The following WDR41 variants were observed in gnomAD, a reference collection of about 807,000 sequenced individuals.
The protein encoded by WDR41 is WD repeat-containing protein 41.
Under a neutral mutation model 69.3 loss-of-function variants are expected in WDR41, and 63 were observed. The ratio of observed to expected loss-of-function variants is 0.91; its 90% CI spans 0.74 to 1.12. The LOEUF (loss-of-function observed/expected upper bound fraction) is 1.12, where lower values mean the gene tolerates loss of function less well. WDR41 is among the 50% of genes most tolerant of loss of function. The probability of loss-of-function intolerance (pLI) is 0.00; values close to 1 mark genes in which losing one functional copy is unlikely to be tolerated. For missense variants in WDR41, 543 were observed against 534.5 expected, an observed-to-expected ratio of 1.02 and a Z score of -0.16; for synonymous variants, 185 against 192.1, an observed-to-expected ratio of 0.96 and a Z score of 0.31.
chr5:77,509,650 TAGAGAC>T (rs1271558816), intron 1 of WDR41, among the ~76,000 whole-genome samples: 7 of 152,130 alleles, frequency 4.6e-5, no homozygotes, highest in African/African-American at 1.4e-4. Flanking sequence ...AGGGAATCTA[TAGAGAC>T]AGAGAGTGGA....
intron 1 of WDR41, among the ~76,000 whole-genome samples, chr5:77,518,674 G>T (rs1037752704): frequency 4.6e-5 from 7 of 152,078 alleles, no homozygotes; most frequent in Non-Finnish European, 8.8e-5. Context: ...TTCATTTTGA[G>T]TAAGTTCTCT....
intron 12 of WDR41, among the ~76,000 whole-genome samples, chr5:77,434,055 C>T (rs889207422): frequency 3.9e-5 from 6 of 152,144 alleles, no homozygotes; most frequent in East Asian, 1.9e-4. Flanking sequence ...CAGGGCCGGG[C>T]GTGGTGGCTC....
intron 1 of WDR41, among the ~76,000 whole-genome samples, chr5:77,525,810 G>A (rs1366803241): frequency 6.6e-6 from 1 of 152,062 alleles, no homozygotes; most frequent in Non-Finnish European, 1.5e-5. Flanking sequence ...CCCCATCTTA[G>A]AAACAAAAAA....
At position 77,610,244 on chromosome 5, in the gene WDR41, C is replaced by G. The variant is rs182126132; in HGVS notation, c.42+10235G>C. Reference sequence around the variant, plus strand: ...TTGGAAAACACTGCAGGATATTATACAGGAGAACTTCCCCAATCTAGCAAG... The same window carrying G: ...TTGGAAAACACTGCAGGATATTATAGAGGAGAACTTCCCCAATCTAGCAAG... On this transcript the variant is annotated intron_variant, in intron 1 of 5. Coordinates refer to the WDR41 transcript ENST00000509971. Among the ~76,000 whole-genome samples, 28 of 152,302 alleles carry G rather than the reference C, an allele frequency of 1.8e-4. No individual in the cohort carries two copies. The East Asian group carries it at 5.2e-3, about 28-fold the overall frequency.
chr5:77,561,412 G>C (rs1743522055), intron 1 of WDR41, among the ~76,000 whole-genome samples: 1 of 152,088 alleles, frequency 6.6e-6, no homozygotes, highest in South Asian at 2.1e-4. Flanking sequence ...CAAAATTCAT[G>C]AAGTAGAGAG....
intron 1 of WDR41, among the ~76,000 whole-genome samples, chr5:77,539,839 A>T (rs1743055950): frequency 1.3e-5 from 2 of 152,196 alleles, no homozygotes; most frequent in Admixed American, 6.5e-5. Flanking sequence ...ATAAACTTGG[A>T]TTATATCCAA....
intron 2 of WDR41, among the ~76,000 whole-genome samples, chr5:77,477,265 C>T (rs949665535): frequency 4.6e-5 from 7 of 150,976 alleles, no homozygotes; most frequent in Middle Eastern, 3.4e-3. Flanking sequence ...GACAGATCAA[C>T]GAGACAGAAA....
chr5:77,542,727 A>G (rs115280614), intron 1 of WDR41, among the ~76,000 whole-genome samples: 39 of 152,342 alleles, frequency 2.6e-4, no homozygotes, highest in African/African-American at 9.1e-4. Flanking sequence ...AGACATCTAA[A>G]TAGAAAAAAG....
intron 1 of WDR41, among the ~76,000 whole-genome samples, chr5:77,515,313 T>G (rs1802277083): frequency 6.6e-6 from 1 of 152,180 alleles, no homozygotes; most frequent in African/African-American, 2.4e-5. Flanking sequence ...ACACACTAGC[T>G]TAGGCCTACA....
At chr5:77,435,630 A>T (rs1287072257) in intron 12 of WDR41, among the ~76,000 whole-genome samples, 1 of 152,226 alleles carries the variant, frequency 6.6e-6, no homozygotes, top group Non-Finnish European at 1.5e-5. Flanking sequence ...TAGGGCCCTG[A>T]TTACACTGTT....
chr5:77,503,623 G>T (rs1248813052), intron 1 of WDR41, among the ~76,000 whole-genome samples: 1 of 152,058 alleles, frequency 6.6e-6, no homozygotes, highest in African/African-American at 2.4e-5. Flanking sequence ...CACATAATTG[G>T]AAGTAAAGCA....
intron 1 of WDR41, among the ~76,000 whole-genome samples, chr5:77,544,824 A>G (rs902104773): frequency 1.3e-5 from 2 of 152,100 alleles, no homozygotes; most frequent in African/African-American, 4.8e-5. Flanking sequence ...AATTGACTTA[A>G]TAGATATATA....
chr5:77,612,066 T>C (rs1284873925), intron 1 of WDR41, among the ~76,000 whole-genome samples: 17 of 152,008 alleles, frequency 1.1e-4, no homozygotes, highest in Admixed American at 1.0e-3. Flanking sequence ...TTCCTCGACA[T>C]ATACACCCTC....
rs1798798105 is a variant in WDR41, at chr5:77,433,261, T to G, written c.1254A>C (p.Gly418=). 4 of 1,612,912 alleles carry G rather than the reference T, an allele frequency of 2.5e-6. No homozygotes were observed. The highest frequency in any genetic ancestry group is 3.4e-6 in the Non-Finnish European group (4 of 1,179,722). ...VEMFLYFEDH[G]LVTCSADHLI... ...GATGATCAGCGGAGCACGTCACTAG[T>G]CCATGATCTTCAAAGTATAGAAACA... is the stretch of plus-strand genomic sequence containing the variant. Residue 418 remains glycine (G), a synonymous_variant, in exon 13 of 13, where the codon GGA becomes GGC. Coordinates refer to ENST00000296679, the MANE Select transcript of WDR41 (RefSeq NM_018268.4).
At chr5:77,609,994 G>C (rs1744513116) in intron 1 of WDR41, among the ~76,000 whole-genome samples, 1 of 152,096 alleles carries the variant, frequency 6.6e-6, no homozygotes. Flanking sequence ...CAAGGCTCGA[G>C]AACTACGTGA....
At chr5:77,446,794 TA>T in intron 8 of WDR41, among the ~76,000 whole-genome samples, 1 of 152,078 alleles carries the variant, frequency 6.6e-6, no homozygotes, top group Admixed American at 6.6e-5. Flanking sequence ...ATTAAAGACT[TA>T]ATAAGACCTA....
intron 1 of WDR41, among the ~76,000 whole-genome samples, chr5:77,516,543 C>T (rs146328475): frequency 6.6e-6 from 1 of 151,882 alleles, no homozygotes; most frequent in African/African-American, 2.4e-5. Flanking sequence ...GAGATAGTTC[C>T]GAGGTAAATA....
chr5:77,443,233 CT>C (rs1213843364), intron 8 of WDR41, among the ~76,000 whole-genome samples: 1 of 152,148 alleles, frequency 6.6e-6, no homozygotes, highest in African/African-American at 2.4e-5. Context: ...CTTTGCGCCC[CT>C]GGTAGTATTT....
chr5:77,457,630 G>T (rs1038614387), intron 5 of WDR41, among the ~76,000 whole-genome samples: 15 of 151,958 alleles, frequency 9.9e-5, no homozygotes, highest in African/African-American at 3.1e-4. Context: ...TCAATTTATA[G>T]TCTCAATATG....
Sources: allele counts gnomAD v4.1 joint callset (sites outside exome capture counted in the v4.1 genomes callset), GRCh38; gene constraint gnomAD v4.1.1; transcripts MANE v1.5; gene names NCBI Gene and HGNC (gene_info 2026-07-23, HGNC 2026-07-21).